Variants in TENM2 observed in about 807,000 individuals in gnomAD.
The protein encoded by TENM2 is teneurin transmembrane protein 2.
TENM2 carries 52 observed loss-of-function variants against 245.2 expected under a neutral mutation model. The ratio of observed to expected loss-of-function variants is 0.21; its 90% CI spans 0.17 to 0.27. The LOEUF is 0.27. Ranked by LOEUF, TENM2 falls within the 10% of genes least tolerant of loss-of-function variation. The pLI is 1.00. For missense variants in TENM2, 3,046 were observed against 3,666.8 expected, an observed-to-expected ratio of 0.83 and a Z score of 4.37; for synonymous variants, 1,363 against 1,438.9, an observed-to-expected ratio of 0.95 and a Z score of 1.19.
the TENM2 span, among the ~76,000 whole-genome samples, chr5:167,200,068 C>G: frequency 5.3e-5 from 8 of 151,984 alleles, no homozygotes; most frequent in African/African-American, 2.4e-5. Flanking sequence ...CCCACTGCTT[C>G]GGATGAGGAT....
chr5:167,318,242 T>C (rs575158356), intron 1 of TENM2, among the ~76,000 whole-genome samples: 1 of 152,268 alleles, frequency 6.6e-6, no homozygotes, highest in Admixed American at 6.5e-5. Context: ...ATCGTGTTGG[T>C]AATGGGGCTC....
intron 25 of TENM2, chr5:168,229,505 G>A (rs1442712629): frequency 1.3e-5 from 2 of 149,838 alleles, no homozygotes; most frequent in South Asian, 2.1e-4. Flanking sequence ...TGGGAGAGAG[G>A]GGTAGATCAT....
intron 2 of TENM2, among the ~76,000 whole-genome samples, chr5:167,643,224 C>G (rs1390965467): frequency 6.6e-6 from 1 of 151,950 alleles, no homozygotes; most frequent in African/African-American, 2.4e-5. Flanking sequence ...CATTTTTGTC[C>G]CCCCAGTAAG....
At chr5:167,602,115 T>G (rs1776681098) in intron 2 of TENM2, among the ~76,000 whole-genome samples, 1 of 152,192 alleles carries the variant, frequency 6.6e-6, no homozygotes, top group Non-Finnish European at 1.5e-5. Flanking sequence ...TTAAAGTTGC[T>G]GTCGTATTTC....
intron 3 of TENM2, among the ~76,000 whole-genome samples, chr5:167,951,122 AGAAT>A (rs1043559991): frequency 6.6e-6 from 1 of 152,188 alleles, no homozygotes; most frequent in African/African-American, 2.4e-5. Context: ...TCTTTTCTTC[AGAAT>A]GTTTCTGCAG....
intron 25 of TENM2, among the ~76,000 whole-genome samples, chr5:168,236,342 T>C (rs1427076885): frequency 1.3e-5 from 2 of 152,146 alleles, no homozygotes; most frequent in Non-Finnish European, 2.9e-5. Context: ...TCCCTACCAA[T>C]GGACCACCCA....
chr5:168,081,372 T>C (rs1236731505), intron 7 of TENM2, among the ~76,000 whole-genome samples: 2 of 152,222 alleles, frequency 1.3e-5, no homozygotes, highest in Non-Finnish European at 2.9e-5. Flanking sequence ...CTGATGGGTC[T>C]TGACTCTATC....
intron 2 of TENM2, among the ~76,000 whole-genome samples, chr5:167,823,835 G>A (rs1767739728): frequency 6.6e-6 from 1 of 152,132 alleles, no homozygotes; most frequent in Non-Finnish European, 1.5e-5. Context: ...CCTGTATGTT[G>A]CATTCTGGAA....
intron 2 of TENM2, among the ~76,000 whole-genome samples, chr5:167,642,873 G>C (rs1017357232): frequency 6.6e-6 from 1 of 152,172 alleles, no homozygotes; most frequent in South Asian, 2.1e-4. Flanking sequence ...GTGAGAAAGG[G>C]GAACAGTGCA....
chr5:167,080,560 G>C, the TENM2 span, among the ~76,000 whole-genome samples: 1 of 152,020 alleles, frequency 6.6e-6, no homozygotes, highest in Non-Finnish European at 1.5e-5. Context: ...GTGTGGTCTT[G>C]CTTCTCACAG....
At chr5:167,083,841 C>G in the TENM2 span, among the ~76,000 whole-genome samples, 15 of 152,084 alleles carry the variant, frequency 9.9e-5, no homozygotes, top group Admixed American at 9.8e-4. Flanking sequence ...AGTGACACTG[C>G]TATTTTAACA....
At chr5:167,608,100 C>G (rs772732451) in intron 2 of TENM2, among the ~76,000 whole-genome samples, 6 of 152,260 alleles carry the variant, frequency 3.9e-5, no homozygotes, top group Admixed American at 6.5e-5. Flanking sequence ...TGCTATAAAA[C>G]TAAAAGTCAT....
At chr5:167,711,123 A>G (rs1471290139) in intron 2 of TENM2, among the ~76,000 whole-genome samples, 3 of 152,156 alleles carry the variant, frequency 2.0e-5, no homozygotes, top group Non-Finnish European at 4.4e-5. Flanking sequence ...GTTCAAAACT[A>G]ACAAGGAACA....
At chr5:167,379,289 T>C (rs1760953008) in intron 2 of TENM2, among the ~76,000 whole-genome samples, 1 of 152,162 alleles carries the variant, frequency 6.6e-6, no homozygotes, top group Admixed American at 6.5e-5. Flanking sequence ...AAAAGGTCTG[T>C]AGCGTATCTG....
chr5:167,617,115 T>TG (rs1403591330), intron 2 of TENM2, among the ~76,000 whole-genome samples: 2 of 152,200 alleles, frequency 1.3e-5, no homozygotes, highest in Non-Finnish European at 2.9e-5. Flanking sequence ...TTCCAGTGGG[T>TG]GCCCTAGTTT....
chr5:167,230,955 T>C, the TENM2 span, among the ~76,000 whole-genome samples: 2 of 152,190 alleles, frequency 1.3e-5, no homozygotes, highest in Admixed American at 1.3e-4. Flanking sequence ...TCTCCCTTGC[T>C]GTTCTGGTGA....
the TENM2 span, among the ~76,000 whole-genome samples, chr5:167,244,765 G>C: frequency 6.6e-6 from 1 of 152,160 alleles, no homozygotes; most frequent in Non-Finnish European, 1.5e-5. Flanking sequence ...CCAAGGGGTA[G>C]AGAGCCTTAT....
At chr5:167,252,439 G>A in the TENM2 span, among the ~76,000 whole-genome samples, 5 of 152,026 alleles carry the variant, frequency 3.3e-5, no homozygotes, top group Admixed American at 6.6e-5. Flanking sequence ...GTTTCCTTTC[G>A]CGTTGTCATT....
At chr5:168,038,154 A>G (rs1787872534) in intron 5 of TENM2, among the ~76,000 whole-genome samples, 2 of 152,184 alleles carry the variant, frequency 1.3e-5, no homozygotes, top group Non-Finnish European at 2.9e-5. Context: ...TCTGAGCCTC[A>G]ATTTCTTCAT....
Sources: gnomAD v4.1 joint callset for allele counts (sites outside exome capture counted in the v4.1 genomes callset) on GRCh38, gnomAD v4.1.1 for gene constraint, MANE v1.5 for transcripts, NCBI Gene and HGNC (gene_info 2026-07-23, HGNC 2026-07-21) for gene names.